Variants in EFHC1 observed in about 807,000 individuals in gnomAD.
EFHC1 encodes the protein EF-hand domain-containing protein 1.
A neutral mutation model predicts 69.9 loss-of-function variants in EFHC1; 53 were observed. That is an observed-to-expected ratio of 0.76 (90% CI 0.61 to 0.95). The LOEUF (loss-of-function observed/expected upper bound fraction) is 0.95, where lower values mean the gene tolerates loss of function less well. EFHC1 is among the 40% of genes least tolerant of loss of function. The probability of loss-of-function intolerance (pLI) is 0.00; values close to 1 mark genes in which losing one functional copy is unlikely to be tolerated. For missense variants in EFHC1, 739 were observed against 798.7 expected (o/e 0.93, Z 0.90); for synonymous variants, 256 against 278.4 (o/e 0.92, Z 0.80).
intron 5 of EFHC1, among the ~76,000 whole-genome samples, chr6:52,463,221 G>C (rs145586885): frequency 1.5e-5 from 2 of 136,348 alleles, no homozygotes; most frequent in Non-Finnish European, 3.2e-5. Context: ...TGTATTTTTA[G>C]TAGAGACAGA....
chr6:52,422,515 T>C (rs1180649803), intron 1 of EFHC1, among the ~76,000 whole-genome samples: 1 of 152,226 alleles, frequency 6.6e-6, no homozygotes, highest in African/African-American at 2.4e-5. Flanking sequence ...AAGTTTATTC[T>C]GTTGTACCTT....
intron 5 of EFHC1, 45 bp from the exon 6 acceptor site, chr6:52,464,850 A>G (rs1342061705): frequency 6.5e-7 from 1 of 1,541,836 alleles, no homozygotes; most frequent in Non-Finnish European, 9.0e-7. Flanking sequence ...CTTTCTTGAC[A>G]CACTCATTCC....
At chr6:52,473,742 ACT>A (rs1329800365) in intron 7 of EFHC1, among the ~76,000 whole-genome samples, 1 of 152,230 alleles carries the variant, frequency 6.6e-6, no homozygotes. Flanking sequence ...AGACTGAGCC[ACT>A]TCACTTCAGC....
intron 6 of EFHC1, among the ~76,000 whole-genome samples, chr6:52,467,229 T>C (rs1765327646): frequency 6.6e-6 from 1 of 151,356 alleles, no homozygotes; most frequent in Non-Finnish European, 1.5e-5. Context: ...TGTCCCAGGC[T>C]GGAGTGCAGT....
At chr6:52,423,862 A>G (rs1269540811) in intron 1 of EFHC1, 84 bp from the exon 2 acceptor site, 1 of 1,582,266 alleles carries the variant, frequency 6.3e-7, no homozygotes, top group Non-Finnish European at 8.6e-7. Flanking sequence ...CAAAGATTCA[A>G]GTTATATTTT....
At chr6:52,429,011 A>G (rs1397136815) in intron 2 of EFHC1, among the ~76,000 whole-genome samples, 1 of 152,134 alleles carries the variant, frequency 6.6e-6, no homozygotes, top group Non-Finnish European at 1.5e-5. Flanking sequence ...TTGTCTATTC[A>G]TGTCCTTAGC....
intron 8 of EFHC1, 46 bp from the exon 9 acceptor site, chr6:52,479,594 G>A (rs760673727): frequency 2.5e-6 from 4 of 1,613,704 alleles, no homozygotes; most frequent in South Asian, 2.2e-5. Flanking sequence ...TCCTGATTGC[G>A]TGAGAGAACA....
In EFHC1 at chr6:52,454,164, C is replaced by T; in HGVS notation, c.793C>T (p.His265Tyr). The T allele has an allele frequency of 6.2e-7, 1 of 1,614,072 alleles. No individual in the cohort carries two copies. The highest frequency in any genetic ancestry group is 1.3e-5 in the African/African-American group (1 of 75,008). The change falls in exon 5 of 11, where the codon CAT (histidine) becomes TAT (tyrosine). Residue 265 changes from histidine (H) to tyrosine (Y), a missense_variant. His to Tyr is a moderately conservative substitution (Grantham distance 83, BLOSUM62 2). Transcript: ENST00000371068. ...TGGTGAATGTCGGACCTACATCATT[C>T]ATTACTATCTTATGGATGATACGGT... is the stretch of plus-strand genomic sequence containing the variant. Reference protein sequence around the residue: ...MYGECRTYIIHYYLMDDTVEI... With the variant: ...MYGECRTYIIYYYLMDDTVEI...
At chr6:52,483,866 G>A (rs1245466629) in intron 9 of EFHC1, 1 of 152,310 alleles carries the variant, frequency 6.6e-6, no homozygotes, top group Non-Finnish European at 1.5e-5. Context: ...GGAATGGGAA[G>A]AGGGGGAGAA....
At chr6:52,423,668 T>TTTTTC in intron 1 of EFHC1, 16 of 451,150 alleles carry the variant, frequency 3.5e-5, no homozygotes, top group Middle Eastern at 6.4e-4. Context: ...TTTTTTTTTT[T>TTTTTC]TTTTTTTTTT....
At chr6:52,464,740 G>A (rs1765258385) in intron 5 of EFHC1, among the ~76,000 whole-genome samples, 155 bp from the exon 6 acceptor site, 1 of 152,208 alleles carries the variant, frequency 6.6e-6, no homozygotes, top group South Asian at 2.1e-4. Flanking sequence ...ACACAGCCAA[G>A]TGTTCTAGTG....
intron 5 of EFHC1, among the ~76,000 whole-genome samples, chr6:52,455,239 A>G (rs1765016676): frequency 1.3e-5 from 2 of 152,328 alleles, no homozygotes; most frequent in South Asian, 4.1e-4. Context: ...GAATAATGTC[A>G]TCTTGGTCAC....
intron 9 of EFHC1, 182 bp downstream of exon 9, chr6:52,479,969 T>G: frequency 1.0e-6 from 1 of 959,008 alleles, no homozygotes; most frequent in Non-Finnish European, 1.5e-6. Flanking sequence ...TTTTTCAACT[T>G]CATTTGTTTA....
intron 9 of EFHC1, chr6:52,485,147 G>A (rs1051786585): frequency 6.6e-6 from 1 of 152,036 alleles, no homozygotes; most frequent in Non-Finnish European, 1.5e-5. Context: ...ACGGACTAGA[G>A]AAGCGTAGTT....
intron 3 of EFHC1, among the ~76,000 whole-genome samples, chr6:52,448,623 G>A (rs948571505): frequency 1.2e-4 from 18 of 152,184 alleles, no homozygotes; most frequent in African/African-American, 4.1e-4. Flanking sequence ...GAAATCACCC[G>A]TCTTCTGCGT....
At chr6:52,448,628 C>T (rs1044488670) in intron 3 of EFHC1, among the ~76,000 whole-genome samples, 1 of 152,206 alleles carries the variant, frequency 6.6e-6, no homozygotes, top group African/African-American at 2.4e-5. Flanking sequence ...CACCCGTCTT[C>T]TGCGTTGCTC....
At chr6:52,475,121 A>G (rs1420516229) in intron 7 of EFHC1, among the ~76,000 whole-genome samples, 1 of 152,144 alleles carries the variant, frequency 6.6e-6, no homozygotes, top group East Asian at 1.9e-4. Flanking sequence ...GTGGGCAGGA[A>G]AAAAGAGGTG....
chr6:52,446,881 T>G (rs1468134233), intron 3 of EFHC1, among the ~76,000 whole-genome samples: 3 of 152,232 alleles, frequency 2.0e-5, no homozygotes, highest in Admixed American at 2.0e-4. Flanking sequence ...GAATGTTGAT[T>G]ATTGGCCCCC....
intron 3 of EFHC1, among the ~76,000 whole-genome samples, chr6:52,440,638 T>G (rs1471982879): frequency 3.9e-5 from 6 of 152,174 alleles, no homozygotes; most frequent in Admixed American, 3.9e-4. Context: ...TATATTCCTT[T>G]GGGTATATAC....
Sources: allele counts gnomAD v4.1 joint callset (sites outside exome capture counted in the v4.1 genomes callset), GRCh38; gene constraint gnomAD v4.1.1; transcripts MANE v1.5; gene names NCBI Gene and HGNC (gene_info 2026-07-23, HGNC 2026-07-21).